FAM169A: variants seen among roughly 807,000 people sequenced by gnomAD.
FAM169A encodes family with sequence similarity 169 member A, also known as soluble lamin-associated protein of 75 kDa.
Under a neutral mutation model 75.7 loss-of-function variants are expected in FAM169A, and 24 were observed. The observed-to-expected ratio is 0.32, with a 90% CI of 0.23 to 0.45. The LOEUF is 0.45. Ranked by LOEUF, FAM169A falls within the 20% of genes least tolerant of loss-of-function variation. The pLI is 1.00. For missense variants in FAM169A, 673 were observed against 784.0 expected, an observed-to-expected ratio of 0.86 and a Z score of 1.69; for synonymous variants, 271 against 271.0, an observed-to-expected ratio of 1.00 and a Z score of 0.00.
intron 6 of FAM169A, among the ~76,000 whole-genome samples, chr5:74,807,928 T>C (rs943057953): frequency 1.3e-5 from 2 of 152,128 alleles, no homozygotes; most frequent in African/African-American, 4.8e-5. Context: ...ACCAGCCTGA[T>C]CAACATGGTG....
chr5:74,812,775 C>T (rs868401474), intron 6 of FAM169A, among the ~76,000 whole-genome samples: 5 of 152,274 alleles, frequency 3.3e-5, no homozygotes, highest in South Asian at 4.1e-4. Context: ...TGCACATCCA[C>T]TAGGATGCCT....
At chr5:74,841,519 A>C (rs1374079537) in intron 2 of FAM169A, 26 bp downstream of exon 2, 1 of 1,542,152 alleles carries the variant, frequency 6.5e-7, no homozygotes, top group Non-Finnish European at 8.8e-7. Context: ...GAAAAGATTG[A>C]TGACAATCAC....
intron 6 of FAM169A, among the ~76,000 whole-genome samples, chr5:74,805,524 CTTT>C (rs1194674402): frequency 0.021 from 1,721 of 81,824 alleles, 31 homozygotes; most frequent in African/African-American, 0.087. Flanking sequence ...ATGTGCTTCG[CTTT>C]TTTTTTTTTT....
chr5:74,844,811 C>T (rs571578282), intron 1 of FAM169A, among the ~76,000 whole-genome samples: 33 of 151,640 alleles, frequency 2.2e-4, no homozygotes, highest in Middle Eastern at 3.4e-3. Context: ...AGTGAGACTC[C>T]GTCTCAAAAA....
At chr5:74,827,550 T>A (rs1748098833) in intron 5 of FAM169A, among the ~76,000 whole-genome samples, 3 of 152,044 alleles carry the variant, frequency 2.0e-5, no homozygotes, top group African/African-American at 7.2e-5. Flanking sequence ...GGAATTATTA[T>A]AATTATTATA....
At position 74,783,057 on chromosome 5, in the gene FAM169A, G is replaced by A; in HGVS notation, c.1338C>T (p.Asp446=). The A allele has an allele frequency of 6.2e-7, 1 of 1,613,522 alleles. No homozygotes were observed. Among genetic ancestry groups the A allele is most frequent in the African/African-American group, 1.3e-5 (1 of 75,036 alleles). The part of the protein sequence containing the change: ...LKTSLITEEE[D]STSEVLDEEL... ...CTTCATCTAAAACTTCACTAGTGGAGTCTTCCTCTTCTGTTATAAGTGAGG... is the reference window on the plus strand; with the variant it reads ...CTTCATCTAAAACTTCACTAGTGGAATCTTCCTCTTCTGTTATAAGTGAGG... Residue 446 remains aspartate (D), a synonymous_variant, in exon 12 of 13, where the codon GAC becomes GAT. Coordinates refer to ENST00000687041, the MANE Select transcript of FAM169A (RefSeq NM_001376049.1).
intron 1 of FAM169A, among the ~76,000 whole-genome samples, chr5:74,845,923 A>T (rs1749133368): frequency 6.6e-6 from 1 of 152,254 alleles, no homozygotes; most frequent in African/African-American, 2.4e-5. Flanking sequence ...AAGCAAACTA[A>T]GGAAATATAA....
At chr5:74,865,256 T>C (rs1750256409) in intron 1 of FAM169A, 2 of 152,208 alleles carry the variant, frequency 1.3e-5, no homozygotes, top group East Asian at 1.9e-4. Context: ...AGAATCACAA[T>C]GAAAACTTTC....
At position 74,796,161 on chromosome 5, in the gene FAM169A, C is replaced by G; in HGVS notation, c.1129G>C (p.Glu377Gln). ...TCTTCCAGGAATTCTTCTGAGCTCT[C>G]TGATGGGCGTGCAGTAGACTCCAAT... ...NKLESTARPS[E>Q]SSEEFLEEEP... The change falls in exon 11 of 13, where the codon GAG becomes CAG. Residue 377 changes from glutamate (E) to glutamine (Q), a missense_variant. By Grantham distance (29) the Glu-to-Gln change is conservative (BLOSUM62 2). Transcript: ENST00000687041. 6.2e-7 allele frequency: 1 copy of G among 1,613,876 alleles called. No individual in the cohort carries two copies. Among genetic ancestry groups the G allele is most frequent in the South Asian group, 1.1e-5 (1 of 90,980 alleles).
intron 4 of FAM169A, among the ~76,000 whole-genome samples, chr5:74,836,514 A>C (rs370690344): frequency 2.4e-4 from 37 of 152,350 alleles, no homozygotes; most frequent in African/African-American, 7.7e-4. Flanking sequence ...GTTTATAAAA[A>C]TAAAGTCAAC....
intron 11 of FAM169A, among the ~76,000 whole-genome samples, chr5:74,784,912 C>T (rs958657393): frequency 4.9e-5 from 7 of 142,506 alleles, no homozygotes; most frequent in African/African-American, 1.9e-4. Flanking sequence ...GAGCAAGACT[C>T]CGTCTCAAAA....
chr5:74,793,626 G>A (rs1746094719), intron 11 of FAM169A, among the ~76,000 whole-genome samples: 1 of 151,896 alleles, frequency 6.6e-6, no homozygotes, highest in Admixed American at 6.6e-5. Context: ...TTGGATGATG[G>A]GTGCACCAAA....
chr5:74,834,665 T>A, intron 4 of FAM169A, 68 bp from the exon 5 acceptor site: 2 of 1,280,312 alleles, frequency 1.6e-6, no homozygotes, highest in Non-Finnish European at 2.1e-6. Flanking sequence ...GCTATTTACT[T>A]TGCTCCCTGC....
intron 5 of FAM169A, among the ~76,000 whole-genome samples, chr5:74,828,566 A>G (rs917811055): frequency 1.3e-5 from 2 of 152,296 alleles, no homozygotes; most frequent in Admixed American, 1.3e-4. Context: ...GCTGTGCTGC[A>G]TTAGGGAAGG....
Position 74,777,944 on chromosome 5 carries a change from C to G in FAM169A, c.*3516G>C, listed in dbSNP as rs1745203879. On this transcript the variant is annotated 3_prime_UTR_variant, in exon 13 of 13. Transcript: ENST00000687041. ...AGGCTAGTTCCTTGGAAATGACGATCCAGGATGATACAATCACTTGATGAC... is the reference window on the plus strand; with the variant it reads ...AGGCTAGTTCCTTGGAAATGACGATGCAGGATGATACAATCACTTGATGAC... 1 of 151,916 alleles carries G rather than the reference C, an allele frequency of 6.6e-6. No homozygotes were observed. Among genetic ancestry groups the G allele is most frequent in the Non-Finnish European group, 1.5e-5 (1 of 67,874 alleles). The allele number at this position is 151,916 out of a possible 1,614,324, so 9.4% of individuals were successfully genotyped here.
chr5:74,783,288 G>A (rs541678472), intron 11 of FAM169A, among the ~76,000 whole-genome samples, 154 bp from the exon 12 acceptor site: 2 of 152,288 alleles, frequency 1.3e-5, no homozygotes, highest in African/African-American at 4.8e-5. Flanking sequence ...CTTACTGGGG[G>A]AAGGAGGAAA....
rs554925040 is a variant in FAM169A at position 74,813,757 on chromosome 5, T to C, written c.670+83A>G. On this transcript the variant is annotated intron_variant, in intron 6 of 12. Coordinates refer to ENST00000687041, the MANE Select transcript of FAM169A (RefSeq NM_001376049.1). ...GTTCCAAATTTATGTGATACTGATA[T>C]ATACACATTTACCGTATTTTGAAGA... 13 of 1,062,060 alleles carry C rather than the reference T, an allele frequency of 1.2e-5. No homozygotes were observed. The African/African-American group carries it at 1.3e-4, about 11-fold the overall frequency. The allele number at this position is 1,062,060 out of a possible 1,614,324, so 65.8% of individuals were successfully genotyped here. A position where few individuals can be genotyped will look rare whatever the true frequency, so the allele number is the denominator to read the frequency against.
chr5:74,799,849 T>C, intron 10 of FAM169A: 2 of 1,023,048 alleles, frequency 2.0e-6, no homozygotes, highest in East Asian at 4.7e-5. Context: ...GTCTCCAAGT[T>C]AGACATTCCA....
chr5:74,813,227 G>A (rs1747297954), intron 6 of FAM169A, among the ~76,000 whole-genome samples: 1 of 152,156 alleles, frequency 6.6e-6, no homozygotes, highest in African/African-American at 2.4e-5. Flanking sequence ...GAATGCTCTG[G>A]AACTGCTGGC....
Sources: allele counts gnomAD v4.1 joint callset (sites outside exome capture counted in the v4.1 genomes callset), GRCh38; gene constraint gnomAD v4.1.1; transcripts MANE v1.5; gene names NCBI Gene and HGNC (gene_info 2026-07-23, HGNC 2026-07-21).